The following MGAT5 variants were observed in gnomAD, a reference collection of about 807,000 sequenced individuals.
The protein encoded by MGAT5 is alpha-1,6-mannosylglycoprotein 6-beta-N-acetylglucosaminyltransferase, also known as alpha-1,6-mannosylglycoprotein 6-beta-N-acetylglucosaminyltransferase A.
Under a neutral mutation model 94.3 loss-of-function variants are expected in MGAT5, and 30 were observed. The ratio of observed to expected loss-of-function variants is 0.32; its 90% CI spans 0.24 to 0.43. MGAT5 has a LOEUF of 0.43. Among genes scored for constraint, MGAT5 ranks in the 20% least tolerant of loss-of-function variants. The probability of loss-of-function intolerance (pLI) is 1.00; values close to 1 mark genes in which losing one functional copy is unlikely to be tolerated. For synonymous variants in MGAT5, 310 were observed against 322.9 expected, an observed-to-expected ratio of 0.96 and a Z score of 0.43; for missense variants, 691 against 905.5, an observed-to-expected ratio of 0.76 and a Z score of 3.04.
intron 1 of MGAT5, among the ~76,000 whole-genome samples, chr2:134,166,860 T>TC (rs1267381868): frequency 9.9e-5 from 15 of 152,234 alleles, no homozygotes; most frequent in Non-Finnish European, 2.2e-4. Flanking sequence ...CTGTTTTTTT[T>TC]CTTTATAGGG....
chr2:134,137,770 T>C (rs2104941405), intron 1 of MGAT5, among the ~76,000 whole-genome samples: 1 of 152,276 alleles, frequency 6.6e-6, no homozygotes, highest in East Asian at 1.9e-4. Flanking sequence ...TTTTTCTATG[T>C]TATTGGTCAG....
At chr2:134,411,470 A>G (rs186664871) in intron 11 of MGAT5, among the ~76,000 whole-genome samples, 175 of 152,272 alleles carry the variant, frequency 1.1e-3, no homozygotes, top group African/African-American at 4.0e-3. Flanking sequence ...AGGAAACGAA[A>G]ATTTATTCTT....
chr2:134,146,777 A>C (rs1343282500), intron 1 of MGAT5, among the ~76,000 whole-genome samples: 1 of 151,960 alleles, frequency 6.6e-6, no homozygotes, highest in Non-Finnish European at 1.5e-5. Context: ...GGGACTGGCC[A>C]CCGCTCTTCC....
At chr2:134,126,085 G>T (rs976214212) in intron 1 of MGAT5, among the ~76,000 whole-genome samples, 1 of 152,180 alleles carries the variant, frequency 6.6e-6, no homozygotes, top group Non-Finnish European at 1.5e-5. Flanking sequence ...AGAGAGCAGA[G>T]GCCACACAAA....
intron 4 of MGAT5, among the ~76,000 whole-genome samples, chr2:134,324,852 T>C (rs1390186650): frequency 6.6e-6 from 1 of 152,088 alleles, no homozygotes. Flanking sequence ...AAATTCCTTT[T>C]CCTCAAGATA....
chr2:134,195,949 T>C (rs1216388903), intron 1 of MGAT5, among the ~76,000 whole-genome samples: 1 of 152,208 alleles, frequency 6.6e-6, no homozygotes, highest in African/African-American at 2.4e-5. Flanking sequence ...TCACTTAATA[T>C]ATCTGAGTGT....
chr2:134,349,556 G>C (rs111684039), intron 8 of MGAT5, among the ~76,000 whole-genome samples: 8 of 152,228 alleles, frequency 5.3e-5, no homozygotes, highest in African/African-American at 1.7e-4. Context: ...GTAGTTGAAT[G>C]ATCTTCTGTA....
At chr2:134,194,355 G>C (rs1444120960) in intron 1 of MGAT5, among the ~76,000 whole-genome samples, 3 of 151,944 alleles carry the variant, frequency 2.0e-5, no homozygotes, top group Non-Finnish European at 4.4e-5. Flanking sequence ...GTTTGTGGGG[G>C]TGGGGGCAGA....
chr2:134,128,646 A>C (rs1685971123), intron 1 of MGAT5, among the ~76,000 whole-genome samples: 1 of 151,888 alleles, frequency 6.6e-6, no homozygotes, highest in African/African-American at 2.4e-5. Flanking sequence ...GTAACCTCCA[A>C]CTCCTGGGCT....
At chr2:134,285,888 GGGTCAAATTTAGT>G (rs747715430) in intron 2 of MGAT5, among the ~76,000 whole-genome samples, 3 of 152,160 alleles carry the variant, frequency 2.0e-5, no homozygotes, top group Non-Finnish European at 4.4e-5. Flanking sequence ...ATATTTGCTG[GGGTCAAATTTAGT>G]GGTCAGTGCT....
intron 2 of MGAT5, among the ~76,000 whole-genome samples, chr2:134,306,279 C>T (rs941614210): frequency 1.4e-5 from 2 of 147,360 alleles, no homozygotes; most frequent in Non-Finnish European, 3.0e-5. Flanking sequence ...TGAATACATG[C>T]AGAGTTTTGC....
intron 1 of MGAT5, among the ~76,000 whole-genome samples, chr2:134,201,117 A>T (rs1679765206): frequency 1.3e-5 from 2 of 152,004 alleles, no homozygotes; most frequent in Non-Finnish European, 2.9e-5. Context: ...TTTATTAAGG[A>T]TGCCCTCTGT....
intron 2 of MGAT5, among the ~76,000 whole-genome samples, chr2:134,292,333 T>C (rs1003589666): frequency 6.6e-6 from 1 of 152,134 alleles, no homozygotes; most frequent in African/African-American, 2.4e-5. Flanking sequence ...ATATAGCATC[T>C]CATTTAATCC....
chr2:134,229,628 A>G (rs1681248768), intron 1 of MGAT5, among the ~76,000 whole-genome samples: 1 of 152,256 alleles, frequency 6.6e-6, no homozygotes, highest in Non-Finnish European at 1.5e-5. Flanking sequence ...GATGATTTAA[A>G]TGCATTTTAA....
intron 1 of MGAT5, among the ~76,000 whole-genome samples, chr2:134,220,228 C>G (rs1382687029): frequency 6.6e-6 from 1 of 152,144 alleles, no homozygotes; most frequent in Non-Finnish European, 1.5e-5. Flanking sequence ...CTTCGCCAGC[C>G]TCTCATTTCA....
rs568731512 is a variant in MGAT5 at position 134,258,902 on chromosome 2, C to T, written c.241+4258C>T. ...AGGACTGTGAGACATGAGCAAAGTG[C>T]TGTGTGTCAGGTGCCTGACATTGTG... On this transcript the variant is annotated intron_variant, in intron 1 of 15. Coordinates refer to ENST00000281923, the MANE Select transcript of MGAT5 (RefSeq NM_002410.5). Among the ~76,000 whole-genome samples, 6 of 152,330 alleles carry T rather than the reference C, an allele frequency of 3.9e-5. No individual in the cohort carries two copies. In the South Asian group the frequency reaches 1.2e-3, roughly 32 times the overall value.
intron 10 of MGAT5, among the ~76,000 whole-genome samples, chr2:134,381,394 AT>A (rs1558841842): frequency 3.7e-5 from 4 of 107,552 alleles, no homozygotes; most frequent in South Asian, 2.8e-4. Flanking sequence ...AGATAGATAG[AT>A]AGATAGATAG....
chr2:134,348,889 G>GA (rs951413192), intron 8 of MGAT5, among the ~76,000 whole-genome samples: 1 of 152,180 alleles, frequency 6.6e-6, no homozygotes, highest in African/African-American at 2.4e-5. Context: ...GCAGTGGTCA[G>GA]AAAACCTTCT....
chr2:134,414,763 C>A (rs888311475), intron 12 of MGAT5, among the ~76,000 whole-genome samples: 6 of 152,126 alleles, frequency 3.9e-5, no homozygotes, highest in Non-Finnish European at 8.8e-5. Context: ...TCCCCATATC[C>A]CCACGCACCA....
Sources: gnomAD v4.1 joint callset for allele counts (sites outside exome capture counted in the v4.1 genomes callset) on GRCh38, gnomAD v4.1.1 for gene constraint, MANE v1.5 for transcripts, NCBI Gene and HGNC (gene_info 2026-07-23, HGNC 2026-07-21) for gene names.